Variants in ENTPD1 observed in about 807,000 individuals in gnomAD.
ENTPD1 encodes ectonucleoside triphosphate diphosphohydrolase 1.
In ENTPD1, 33 loss-of-function variants were observed where a neutral mutation model predicts 57.0. The ratio of observed to expected loss-of-function variants is 0.58; its 90% CI spans 0.44 to 0.77. The LOEUF is 0.77. Among genes scored for constraint, ENTPD1 ranks in the 30% least tolerant of loss-of-function variants. The pLI is 0.00. For synonymous variants in ENTPD1, 202 were observed against 218.8 expected (o/e 0.92, Z 0.68); for missense variants, 501 against 603.4 (o/e 0.83, Z 1.78).
upstream of ENTPD1, among the ~76,000 whole-genome samples, chr10:95,708,489 G>C (rs998258937): frequency 6.6e-6 from 1 of 152,206 alleles, no homozygotes; most frequent in Non-Finnish European, 1.5e-5. Context: ...TGGGATTACA[G>C]GCATGAGCTG....
chr10:95,864,814 T>C lies in ENTPD1; in HGVS notation c.1279T>C (p.Tyr427His). 1 of 1,614,036 alleles carries C rather than the reference T, an allele frequency of 6.2e-7. No homozygotes were observed. Among genetic ancestry groups the C allele is most frequent in the Non-Finnish European group, 8.5e-7 (1 of 1,180,026 alleles). The change falls in exon 9 of 10, where the codon TAT (tyrosine) becomes CAT (histidine). Residue 427 changes from tyrosine to histidine, a missense_variant. By Grantham distance (83) the Tyr-to-His change is moderately conservative. Coordinates refer to ENST00000371205, the MANE Select transcript of ENTPD1 (RefSeq NM_001776.6). Reference sequence around the variant, plus strand: ...CATTCTCTCCCTCCTTCTGCAAGGCTATCATTTCACAGCTGATTCCTGGGA... The same window carrying C: ...CATTCTCTCCCTCCTTCTGCAAGGCCATCATTTCACAGCTGATTCCTGGGA... ...TYILSLLLQG[Y>H]HFTADSWEHI...
At chr10:95,723,621 C>T (rs1014718925) in intron 1 of ENTPD1, among the ~76,000 whole-genome samples, 1 of 152,146 alleles carries the variant, frequency 6.6e-6, no homozygotes, top group Non-Finnish European at 1.5e-5. Flanking sequence ...TGGGGCTACA[C>T]TTTCAAGAAA....
chr10:95,750,489 A>G (rs1216668827), intron 1 of ENTPD1, among the ~76,000 whole-genome samples: 2 of 152,066 alleles, frequency 1.3e-5, no homozygotes, highest in Non-Finnish European at 2.9e-5. Context: ...ACCTTCTGCC[A>G]TGATTGTAAG....
intron 1 of ENTPD1, among the ~76,000 whole-genome samples, chr10:95,774,015 T>C (rs2098124838): frequency 6.6e-6 from 1 of 152,216 alleles, no homozygotes; most frequent in African/African-American, 2.4e-5. Flanking sequence ...GACTTTTTAA[T>C]GATTGCCATT....
Position 95,844,646 on chromosome 10 carries a change from C to T in ENTPD1, c.573+11C>T, listed in dbSNP as rs1309411175. The T allele has an allele frequency of 7.4e-6, 12 of 1,613,910 alleles. No individual in the cohort carries two copies. The highest frequency in any genetic ancestry group is 8.5e-6 in the Non-Finnish European group (10 of 1,180,006). ...GGCAAATTCAGTCAGGTGAATATCT[C>T]ACAGCATCCATGGAGGTGGCTCTCT... On this transcript the variant is annotated intron_variant, in intron 5 of 9. Transcript: ENST00000371205.
At chr10:95,785,290 CCTA>C (rs2098174760) in intron 1 of ENTPD1, 5 of 152,316 alleles carry the variant, frequency 3.3e-5, no homozygotes, top group African/African-American at 1.2e-4. Flanking sequence ...TTCAGATAAA[CCTA>C]CCTTCCAATC....
At chr10:95,854,694 A>G (rs1050583344) in intron 7 of ENTPD1, among the ~76,000 whole-genome samples, 2 of 152,102 alleles carry the variant, frequency 1.3e-5, no homozygotes, top group African/African-American at 4.8e-5. Flanking sequence ...TTACGTACCC[A>G]GTAGTCATTC....
intron 1 of ENTPD1, among the ~76,000 whole-genome samples, chr10:95,778,271 A>T (rs755185076): frequency 3.9e-5 from 6 of 152,202 alleles, no homozygotes; most frequent in Non-Finnish European, 8.8e-5. Context: ...CCATTCAGCC[A>T]TCTTGGAACC....
chr10:95,700,984 A>C, the ENTPD1 span, among the ~76,000 whole-genome samples: 1 of 152,116 alleles, frequency 6.6e-6, no homozygotes, highest in African/African-American at 2.4e-5. Context: ...AGTAGAGATG[A>C]GGTTTTGCCA....
the ENTPD1 span, among the ~76,000 whole-genome samples, chr10:95,694,405 C>G: frequency 7.3e-6 from 1 of 137,818 alleles, no homozygotes; most frequent in Admixed American, 7.2e-5. Context: ...ACAGTCTCCT[C>G]TAAATATGGC....
chr10:95,847,721 T>C lies in ENTPD1; in HGVS notation c.1074+15T>C, dbSNP rs192911450. 1.9e-6 allele frequency: 3 copies of C among 1,614,170 alleles called. No individual in the cohort carries two copies. In the Admixed American group the frequency reaches 5.0e-5, roughly 27 times the overall value. On this transcript the variant is annotated intron_variant, in intron 7 of 9. Transcript: ENST00000371205. ...GGGATTTTGGGGTAAGTTTGTGAAA[T>C]GATGAGGTATAGGATGTCTTGTTTA...
chr10:95,755,767 G>A, upstream of ENTPD1: 1 of 1,536,522 alleles, frequency 6.5e-7, no homozygotes, highest in Non-Finnish European at 8.7e-7. Flanking sequence ...GGGTTTCAAG[G>A]TAACAACTTT....
In ENTPD1 at chr10:95,872,353, C is replaced by T. The variant is rs2098481435; in HGVS notation, c.*5970C>T. 1.0e-6 allele frequency: 1 copy of T among 985,328 alleles called. No homozygotes were observed. The highest frequency in any genetic ancestry group is 1.2e-6 in the Non-Finnish European group (1 of 829,932). The allele number at this position is 985,328 out of a possible 1,614,324, so 61.0% of individuals were successfully genotyped here. A position where few individuals can be genotyped will look rare whatever the true frequency, so the allele number is the denominator to read the frequency against. On this transcript the variant is annotated 3_prime_UTR_variant, in exon 10 of 10. Coordinates refer to ENST00000371205, the MANE Select transcript of ENTPD1 (RefSeq NM_001776.6). ...CAGCTCTCTCCAGGCTCATATCCCA[C>T]TCCACTCCTCTGATGTTTCCTACAC...
At chr10:95,809,703 AC>A (rs2098293329) in intron 1 of ENTPD1, among the ~76,000 whole-genome samples, 1 of 119,716 alleles carries the variant, frequency 8.4e-6, no homozygotes, top group Non-Finnish European at 1.7e-5. Flanking sequence ...GGCGCTCCCC[AC>A]CCCCCAGACG....
chr10:95,828,388 TTGTG>T (rs1330008833), intron 2 of ENTPD1, among the ~76,000 whole-genome samples: 1 of 151,956 alleles, frequency 6.6e-6, no homozygotes, highest in African/African-American at 2.4e-5. Flanking sequence ...TTATGGTGAG[TTGTG>T]TAATTATTTC....
At chr10:95,745,973 C>G (rs983779305) in intron 1 of ENTPD1, among the ~76,000 whole-genome samples, 2 of 152,214 alleles carry the variant, frequency 1.3e-5, no homozygotes, top group Non-Finnish European at 2.9e-5. Flanking sequence ...ACTTCACTCC[C>G]TCTCCCAACA....
intron 1 of ENTPD1, among the ~76,000 whole-genome samples, chr10:95,765,123 C>A (rs2098083570): frequency 6.6e-6 from 1 of 152,130 alleles, no homozygotes; most frequent in Admixed American, 6.5e-5. Flanking sequence ...AATTTTCTCC[C>A]ATTCTGTGGG....
chr10:95,856,862 G>A (rs918423525), intron 7 of ENTPD1, among the ~76,000 whole-genome samples: 5 of 150,824 alleles, frequency 3.3e-5, no homozygotes, highest in African/African-American at 1.2e-4. Context: ...ATATAAATAT[G>A]TATTCACTAT....
chr10:95,794,264 A>G (rs562591411), intron 1 of ENTPD1, among the ~76,000 whole-genome samples: 2 of 152,268 alleles, frequency 1.3e-5, no homozygotes, highest in Non-Finnish European at 2.9e-5. Context: ...AAAAAAAGTC[A>G]TATGGCTTAA....
Sources: allele counts gnomAD v4.1 joint callset (sites outside exome capture counted in the v4.1 genomes callset), GRCh38; gene constraint gnomAD v4.1.1; transcripts MANE v1.5; gene names NCBI Gene and HGNC (gene_info 2026-07-23, HGNC 2026-07-21).